PCDHGA7: variants seen among roughly 807,000 people sequenced by gnomAD.
PCDHGA7 encodes the protein protocadherin gamma subfamily A, 7.
PCDHGA7 carries 44 observed loss-of-function variants against 58.3 expected under a neutral mutation model. The observed-to-expected ratio is 0.75, with a 90% CI of 0.59 to 0.97. The LOEUF is 0.97. Among genes scored for constraint, PCDHGA7 ranks in the 50% least tolerant of loss-of-function variants. PCDHGA7 has a pLI of 0.00. For synonymous variants in PCDHGA7, 516 were observed against 504.2 expected (o/e 1.02, Z -0.31); for missense variants, 1,266 against 1,188.7 (o/e 1.06, Z -0.96).
intron 1 of PCDHGA7, chr5:141,407,992 G>A (rs929571955): frequency 4.3e-5 from 37 of 851,508 alleles, no homozygotes; most frequent in Middle Eastern, 3.7e-4. Context: ...GTCAGCCTCT[G>A]GCCTGGGATT....
At chr5:141,419,793 C>T in intron 1 of PCDHGA7, 1 of 1,614,072 alleles carries the variant, frequency 6.2e-7, no homozygotes, top group East Asian at 2.2e-5. Flanking sequence ...CTGCTAGTCG[C>T]TGTAAGAGAT....
intron 1 of PCDHGA7, 88 bp from the exon 2 acceptor site, chr5:141,494,719 C>T: frequency 6.2e-7 from 1 of 1,605,960 alleles, no homozygotes; most frequent in Non-Finnish European, 8.5e-7. Flanking sequence ...CCACTCCCCT[C>T]CTTCTCTCCC....
chr5:141,417,713 C>G, intron 1 of PCDHGA7: 1 of 1,271,750 alleles, frequency 7.9e-7, no homozygotes, highest in Non-Finnish European at 1.1e-6. Flanking sequence ...CAGAGGCTCC[C>G]GGCTGCGCAG....
At chr5:141,397,706 T>G (rs2093559040) in intron 1 of PCDHGA7, among the ~76,000 whole-genome samples, 1 of 152,246 alleles carries the variant, frequency 6.6e-6, no homozygotes, top group African/African-American at 2.4e-5. Flanking sequence ...CAACGTGATA[T>G]TTCTAACAAT....
rs1054012796 is a variant in PCDHGA7 at position 141,420,071 on chromosome 5, G to C, written c.2424+34748G>C. The C allele has an allele frequency of 6.2e-7, 1 of 1,614,050 alleles. No individual in the cohort carries two copies. On this transcript the variant is annotated intron_variant, in intron 1 of 3. Coordinates refer to ENST00000518325, the MANE Select transcript of PCDHGA7 (RefSeq NM_018920.4). ...AGTTCTCTGCTCCAAGTCCGGACCT[G>C]TGGGTCCCCCCAACTACAGTGAGGG...
chr5:141,427,192 A>G (rs1191677237), intron 1 of PCDHGA7: 2 of 456,566 alleles, frequency 4.4e-6, no homozygotes, highest in African/African-American at 4.0e-5. Flanking sequence ...AAATCCAAAG[A>G]CTTAATAGAC....
At chr5:141,395,542 T>TTGTG (rs55729045) in intron 1 of PCDHGA7, 55 of 172,626 alleles carry the variant, frequency 3.2e-4, no homozygotes, top group East Asian at 1.2e-3. Context: ...TTGCTATTGT[T>TTGTG]TGTGTGTGTG....
intron 1 of PCDHGA7, chr5:141,393,991 A>C (rs2092893166): frequency 6.2e-7 from 1 of 1,613,604 alleles, no homozygotes; most frequent in East Asian, 2.2e-5. Flanking sequence ...TTACCTTTTA[A>C]ATTAGAAAAG....
chr5:141,404,860 T>G (rs3749769), intron 1 of PCDHGA7: 7 of 1,613,630 alleles, frequency 4.3e-6, no homozygotes, highest in Admixed American at 1.7e-5. Context: ...TAGATAGAGA[T>G]GCGCTCAAAC....
intron 1 of PCDHGA7, chr5:141,408,352 C>T: frequency 6.2e-7 from 1 of 1,613,918 alleles, no homozygotes; most frequent in South Asian, 1.1e-5. Flanking sequence ...TGGGGAACCT[C>T]GCTAAGGATC....
At chr5:141,440,983 G>A (rs2154559140) in intron 1 of PCDHGA7, 1 of 152,314 alleles carries the variant, frequency 6.6e-6, no homozygotes, top group South Asian at 2.1e-4. Flanking sequence ...TCACAACCCA[G>A]AGTACCCATA....
chr5:141,509,350 G>C (rs2099876432), intron 3 of PCDHGA7, among the ~76,000 whole-genome samples: 5 of 152,142 alleles, frequency 3.3e-5, no homozygotes. Flanking sequence ...GGGCTGGCCT[G>C]GGCATCCCTG....
rs546494803 is a variant in PCDHGA7 at position 141,425,207 on chromosome 5, G to C, written c.2424+39884G>C. Among the ~76,000 whole-genome samples, 7 of 152,120 alleles carry C rather than the reference G, an allele frequency of 4.6e-5. No homozygotes were observed. In the East Asian group the frequency reaches 1.2e-3, roughly 25 times the overall value. ...TCCAAACTGAGAAAAATGATGTAAG[G>C]CATTGTACTTTGACTGGAATTAGTT... On this transcript the variant is annotated intron_variant, in intron 1 of 3. Transcript: ENST00000518325.
chr5:141,422,780 T>C, intron 1 of PCDHGA7: 2 of 1,614,140 alleles, frequency 1.2e-6, no homozygotes, highest in Non-Finnish European at 1.7e-6. Context: ...CTCTATGCCC[T>C]ACAATCCTTC....
chr5:141,485,172 C>T lies in PCDHGA7; in HGVS notation c.2425-9635C>T, dbSNP rs377648315. 3.9e-5 allele frequency: 62 copies of T among 1,610,044 alleles called. No individual in the cohort carries two copies. The highest frequency in any genetic ancestry group is 5.1e-5 in the Non-Finnish European group (60 of 1,176,944). On this transcript the variant is annotated intron_variant, in intron 1 of 3. Coordinates refer to ENST00000518325, the MANE Select transcript of PCDHGA7 (RefSeq NM_018920.4). The surrounding 1 kb of genome is among the most constrained non-coding windows in gnomAD (Gnocchi z 5.7). ...CAAGTAGAGAATTAGCGGGCGGCAGCAATGCTCCGCAAGGTGAGAAGCTGG... is the reference window on the plus strand; with the variant it reads ...CAAGTAGAGAATTAGCGGGCGGCAGTAATGCTCCGCAAGGTGAGAAGCTGG...
rs146734417 is a variant in PCDHGA7, at chr5:141,431,409, G to T, written c.2424+46086G>T. The T allele has an allele frequency of 1.9e-6, 3 of 1,613,722 alleles. No homozygotes were observed. Among genetic ancestry groups the T allele is most frequent in the Non-Finnish European group, 2.5e-6 (3 of 1,180,048 alleles). On this transcript the variant is annotated intron_variant, in intron 1 of 3. Transcript: ENST00000518325. This position sits in a 1 kb window ranked among gnomAD's most constrained non-coding sequence, Gnocchi z 4.8. Reference sequence around the variant, plus strand: ...CACCTGGTCCTTACGGCCTCCGACGGGGGCGACCCGGTGCGCACAGGCACC... The same window carrying T: ...CACCTGGTCCTTACGGCCTCCGACGTGGGCGACCCGGTGCGCACAGGCACC...
intron 1 of PCDHGA7, among the ~76,000 whole-genome samples, chr5:141,426,030 G>A (rs966664613): frequency 1.3e-5 from 2 of 152,168 alleles, no homozygotes; most frequent in Admixed American, 6.5e-5. Context: ...AATAGACTCA[G>A]AGCCCTGCTG....
intron 1 of PCDHGA7, among the ~76,000 whole-genome samples, chr5:141,492,886 C>A (rs1479930324): frequency 6.6e-6 from 1 of 152,178 alleles, no homozygotes; most frequent in African/African-American, 2.4e-5. Context: ...GAGATACAGG[C>A]TTTTGGCGCC....
At chr5:141,403,116 A>G (rs1313523426) in intron 1 of PCDHGA7, 6 of 1,614,042 alleles carry the variant, frequency 3.7e-6, no homozygotes, top group Non-Finnish European at 5.1e-6. Flanking sequence ...CTGGCTCTGG[A>G]GCCCCGGGAG....
Sources: gnomAD v4.1 joint callset for allele counts (sites outside exome capture counted in the v4.1 genomes callset) on GRCh38, gnomAD v4.1.1 for gene constraint, Gnocchi (gnomAD v3.1) non-coding constraint, MANE v1.5 for transcripts, NCBI Gene and HGNC (gene_info 2026-07-23, HGNC 2026-07-21) for gene names.